AGMO: variants seen among roughly 807,000 people sequenced by gnomAD.
The protein encoded by AGMO is glyceryl-ether monooxygenase.
In AGMO, 75 loss-of-function variants were observed where a neutral mutation model predicts 60.2. That is an observed-to-expected ratio of 1.25 (90% confidence interval 1.03 to 1.51). The LOEUF is 1.51. Ranked by LOEUF, AGMO falls within the 40% of genes most tolerant of loss-of-function variation. The probability of loss-of-function intolerance (pLI) is 0.00; values close to 1 mark genes in which losing one functional copy is unlikely to be tolerated. For synonymous variants in AGMO, 261 were observed against 177.1 expected (o/e 1.47, Z -3.76); for missense variants, 763 against 525.5 (o/e 1.45, Z -4.42).
rs138181110 is a variant in AGMO at position 15,338,757 on chromosome 7, T to G, written c.1263+26757A>C. Among the ~76,000 whole-genome samples the G allele has an allele frequency of 2.9e-4, 44 of 152,340 alleles. No individual in the cohort carries two copies. In the East Asian group the frequency reaches 8.1e-3, roughly 28 times the overall value. On this transcript the variant is annotated intron_variant, in intron 12 of 12. Transcript: ENST00000342526. ...TAGTCATTTAACCTCTTGTAACTAC[T>G]GGCCACTTTTCTTCCTCTGGAAAAG...
chr7:15,382,900 G>GT (rs1783752093), intron 10 of AGMO, among the ~76,000 whole-genome samples: 1 of 151,766 alleles, frequency 6.6e-6, no homozygotes, highest in Non-Finnish European at 1.5e-5. Flanking sequence ...TTCAAATCAC[G>GT]TATTTATGTG....
chr7:15,260,822 G>A (rs1783245828), intron 12 of AGMO, among the ~76,000 whole-genome samples: 1 of 152,124 alleles, frequency 6.6e-6, no homozygotes, highest in African/African-American at 2.4e-5. Flanking sequence ...TACTCTCTCT[G>A]ACCACAGCGG....
chr7:15,167,703 C>A, the AGMO span, among the ~76,000 whole-genome samples: 12 of 152,196 alleles, frequency 7.9e-5, no homozygotes, highest in African/African-American at 2.9e-4. Flanking sequence ...CTAAGGTCAA[C>A]TCAAGCAAGA....
intron 12 of AGMO, among the ~76,000 whole-genome samples, chr7:15,346,865 T>C (rs1782053312): frequency 6.6e-6 from 1 of 151,740 alleles, no homozygotes; most frequent in South Asian, 2.1e-4. Context: ...TAAGTAACTA[T>C]TTTGTATATC....
chr7:15,516,558 T>C (rs928188141), intron 3 of AGMO, among the ~76,000 whole-genome samples: 2 of 152,358 alleles, frequency 1.3e-5, no homozygotes, highest in Admixed American at 1.3e-4. Flanking sequence ...TACTGAAGGC[T>C]GAATGATGTG....
chr7:15,299,415 T>C (rs1583379300), intron 12 of AGMO, among the ~76,000 whole-genome samples: 1 of 152,208 alleles, frequency 6.6e-6, no homozygotes, highest in African/African-American at 2.4e-5. Context: ...TGAGAGAAAA[T>C]ATGTAGTAAA....
At position 15,287,720 on chromosome 7, in the gene AGMO, ACT is replaced by A. The variant is rs138170457; in HGVS notation, c.1263+77792_1263+77793del. Among the ~76,000 whole-genome samples the A allele has an allele frequency of 7.3e-3, 1,105 of 152,334 alleles. 16 individuals are homozygous for A. Among genetic ancestry groups the A allele is most frequent in the African/African-American group, 0.025 (1,053 of 41,574 alleles). The stretch of plus-strand genomic sequence containing the variant: ...CACCAGAACTTTTCGAAATAATTTC[ACT>A]GATTTATCAAATGTCTTCATTAGCA... On this transcript the variant is annotated intron_variant, in intron 12 of 12. Transcript: ENST00000342526.
At position 15,365,566 on chromosome 7, in the gene AGMO, T is replaced by C. The variant is rs755519607; in HGVS notation, c.1211A>G (p.Tyr404Cys). ...TLRCLMFLMLYRFGHLKPLVP... is the reference protein window; with the variant it reads ...TLRCLMFLMLCRFGHLKPLVP... ...AAGAGGCTTCAGGTGACCAAATCGGTACAGCATTAAGAACATCAAGCAACG... is the reference window on the plus strand; with the variant it reads ...AAGAGGCTTCAGGTGACCAAATCGGCACAGCATTAAGAACATCAAGCAACG... The change falls in exon 12 of 13, where the codon TAC becomes TGC. Residue 404 changes from tyrosine to cysteine, a missense_variant. By Grantham distance (194) the Tyr-to-Cys change is radical. Transcript: ENST00000342526. 6 of 1,612,864 alleles carry C rather than the reference T, an allele frequency of 3.7e-6. No homozygotes were observed. Among genetic ancestry groups the C allele is most frequent in the Non-Finnish European group, 5.1e-6 (6 of 1,179,116 alleles).
intron 12 of AGMO, among the ~76,000 whole-genome samples, chr7:15,313,618 A>T (rs1294464724): frequency 1.3e-5 from 2 of 152,134 alleles, no homozygotes; most frequent in Admixed American, 1.3e-4. Flanking sequence ...GGAGAGAGAT[A>T]AGAGGAGATA....
chr7:15,261,474 G>A (rs985656531), intron 12 of AGMO, among the ~76,000 whole-genome samples: 12 of 151,778 alleles, frequency 7.9e-5, no homozygotes, highest in African/African-American at 2.7e-4. Context: ...TCTCTGAACC[G>A]ACCAATAACA....
At chr7:15,453,900 T>A (rs1241783387) in intron 3 of AGMO, among the ~76,000 whole-genome samples, 1 of 150,234 alleles carries the variant, frequency 6.7e-6, no homozygotes, top group Non-Finnish European at 1.5e-5. Flanking sequence ...ATATTTTTTA[T>A]ATTTTATTAC....
the AGMO span, among the ~76,000 whole-genome samples, chr7:15,174,109 A>T: frequency 3.3e-5 from 5 of 151,996 alleles, no homozygotes; most frequent in African/African-American, 1.2e-4. Flanking sequence ...GGGACTTGGT[A>T]ATTTCTTTTT....
intron 12 of AGMO, among the ~76,000 whole-genome samples, chr7:15,325,348 A>C (rs898829201): frequency 1.3e-5 from 2 of 152,146 alleles, no homozygotes; most frequent in African/African-American, 4.8e-5. Flanking sequence ...TTCTACATTT[A>C]ATAATTTTAT....
Position 15,271,828 on chromosome 7 carries a change from C to T in AGMO, c.1264-70469G>A, listed in dbSNP as rs888651266. Among the ~76,000 whole-genome samples the T allele has an allele frequency of 3.9e-5, 6 of 151,938 alleles. No homozygotes were observed. In the South Asian group the frequency reaches 1.0e-3, roughly 26 times the overall value. On this transcript the variant is annotated intron_variant, in intron 12 of 12. Coordinates refer to ENST00000342526, the MANE Select transcript of AGMO (RefSeq NM_001004320.2). ...ATGTCATATATGGCTCTTATTCTTT[C>T]GAGATATTTTTCTTCAATGACTGGT... is the stretch of plus-strand genomic sequence containing the variant.
intron 12 of AGMO, among the ~76,000 whole-genome samples, chr7:15,357,405 G>A (rs578238780): frequency 1.3e-5 from 2 of 151,920 alleles, no homozygotes; most frequent in African/African-American, 4.8e-5. Flanking sequence ...ACCACCGTGA[G>A]ATGAACCCAA....
At chr7:15,302,801 A>T (rs1457877028) in intron 12 of AGMO, among the ~76,000 whole-genome samples, 1 of 152,154 alleles carries the variant, frequency 6.6e-6, no homozygotes, top group East Asian at 1.9e-4. Flanking sequence ...AATTCATGTA[A>T]GTCATGGAGC....
At chr7:15,526,336 A>T (rs1784128160) in intron 3 of AGMO, among the ~76,000 whole-genome samples, 1 of 152,234 alleles carries the variant, frequency 6.6e-6, no homozygotes, top group South Asian at 2.1e-4. Context: ...GCTACATGGC[A>T]TCCTTAACTT....
chr7:15,132,234 T>G, the AGMO span, among the ~76,000 whole-genome samples: 1 of 152,206 alleles, frequency 6.6e-6, no homozygotes, highest in Non-Finnish European at 1.5e-5. Context: ...TAGGCATTCA[T>G]GAATTCATTC....
intron 10 of AGMO, among the ~76,000 whole-genome samples, chr7:15,379,662 T>C (rs138011854): frequency 1.0e-3 from 157 of 152,196 alleles, no homozygotes; most frequent in African/African-American, 3.7e-3. Flanking sequence ...ACAGCTGAAT[T>C]CTACCAGAGG....
Sources: allele counts gnomAD v4.1 joint callset (sites outside exome capture counted in the v4.1 genomes callset), GRCh38; gene constraint gnomAD v4.1.1; transcripts MANE v1.5; gene names NCBI Gene and HGNC (gene_info 2026-07-23, HGNC 2026-07-21).